Variants in GLIS1 observed in about 807,000 individuals in gnomAD.
GLIS1 encodes the protein zinc finger protein GLIS1.
A neutral mutation model predicts 63.8 loss-of-function variants in GLIS1; 24 were observed. That is an observed-to-expected ratio of 0.38 (90% confidence interval 0.27 to 0.53). The LOEUF is 0.53. GLIS1 is among the 20% of genes least tolerant of loss of function. GLIS1 has a pLI of 0.85. For synonymous variants in GLIS1, 450 were observed against 482.5 expected (o/e 0.93, Z 0.88); for missense variants, 1,036 against 1,074.1 (o/e 0.96, Z 0.50).
intron 2 of GLIS1, among the ~76,000 whole-genome samples, chr1:53,721,151 GA>G (rs145260712): frequency 1.7e-3 from 255 of 149,330 alleles, no homozygotes; most frequent in Admixed American, 3.5e-3. Flanking sequence ...TGACTGAAAG[GA>G]AAAAAAAAGA....
chr1:53,724,917 G>T (rs181649027), intron 2 of GLIS1, among the ~76,000 whole-genome samples: 1 of 152,142 alleles, frequency 6.6e-6, no homozygotes, highest in East Asian at 1.9e-4. Flanking sequence ...AAATGAGGAG[G>T]AGAAAGAGGA....
At chr1:53,680,993 T>C (rs1646269236) in intron 2 of GLIS1, among the ~76,000 whole-genome samples, 1 of 152,214 alleles carries the variant, frequency 6.6e-6, no homozygotes, top group Non-Finnish European at 1.5e-5. Flanking sequence ...CCAGATGATC[T>C]CAACCCTGGA....
intron 4 of GLIS1, among the ~76,000 whole-genome samples, chr1:53,543,675 G>A (rs1227784291): frequency 1.3e-5 from 2 of 152,038 alleles, no homozygotes; most frequent in African/African-American, 2.4e-5. Flanking sequence ...TGCAGTAAGC[G>A]CACTGGTCTC....
chr1:53,695,829 T>C (rs752985426), intron 2 of GLIS1, among the ~76,000 whole-genome samples: 42 of 152,234 alleles, frequency 2.8e-4, no homozygotes, highest in Admixed American at 1.0e-3. Flanking sequence ...CAACTACCTC[T>C]AGAAATGAAA....
rs76151640 is a variant in GLIS1 at position 53,708,010 on chromosome 1, C to T, written c.259+29796G>A. 3.1e-4 allele frequency among the ~76,000 whole-genome samples: 47 copies of T among 150,628 alleles called. 1 individual carries two copies. In the East Asian group the frequency reaches 7.8e-3, roughly 25 times the overall value. ...TGAAAGGAAAGCAAAGCACCAGGCGCGGTGGCTCACGCCTGTAATCCCAGC... is the reference window on the plus strand; with the variant it reads ...TGAAAGGAAAGCAAAGCACCAGGCGTGGTGGCTCACGCCTGTAATCCCAGC... On this transcript the variant is annotated intron_variant, in intron 2 of 10. Transcript: ENST00000628545.
chr1:53,658,839 C>T (rs112261200), intron 2 of GLIS1, among the ~76,000 whole-genome samples: 4 of 152,314 alleles, frequency 2.6e-5, no homozygotes, highest in African/African-American at 9.6e-5. Context: ...TGTCTCTCCC[C>T]CAATACAGGG....
chr1:53,625,650 C>A (rs769509403), intron 2 of GLIS1, among the ~76,000 whole-genome samples: 2 of 152,212 alleles, frequency 1.3e-5, no homozygotes, highest in Admixed American at 6.5e-5. Flanking sequence ...ATGGAGTGAG[C>A]TCCTATTGTG....
chr1:53,677,107 A>C (rs1195723348), intron 2 of GLIS1, among the ~76,000 whole-genome samples: 1 of 152,226 alleles, frequency 6.6e-6, no homozygotes, highest in Admixed American at 6.5e-5. Context: ...ACCCTTGAGG[A>C]TGACGCCGGC....
intron 6 of GLIS1, among the ~76,000 whole-genome samples, chr1:53,522,986 C>CTTTTTCTTTTTTTTTTTTTTTTT (rs760283252): frequency 9.2e-5 from 4 of 43,690 alleles, no homozygotes; most frequent in African/African-American, 1.8e-4. Context: ...TCTTTTCTTT[C>CTTTTTCTTTTTTTTTTTTTTTTT]TTTTTTTTTT....
rs568180557 is a variant in GLIS1, at chr1:53,729,365, G to A, written c.259+8441C>T. Among the ~76,000 whole-genome samples the A allele has an allele frequency of 5.9e-5, 9 of 152,232 alleles. No individual in the cohort carries two copies. In the South Asian group the frequency reaches 1.7e-3, roughly 28 times the overall value. Reference sequence around the variant, plus strand: ...GAGATATTCTCACAAAGAGCGCTCCGTAAGTACAAATGACTGTTTGATCAA... The same window carrying A: ...GAGATATTCTCACAAAGAGCGCTCCATAAGTACAAATGACTGTTTGATCAA... On this transcript the variant is annotated intron_variant, in intron 2 of 10. Coordinates refer to ENST00000628545, the MANE Select transcript of GLIS1 (RefSeq NM_001367484.1).
At chr1:53,731,646 C>T (rs1646862407) in intron 2 of GLIS1, among the ~76,000 whole-genome samples, 1 of 152,200 alleles carries the variant, frequency 6.6e-6, no homozygotes, top group South Asian at 2.1e-4. Context: ...GTCCCCCCAT[C>T]TTTAAAATTA....
chr1:53,669,978 A>G (rs2950243), intron 2 of GLIS1, among the ~76,000 whole-genome samples: 147,906 of 152,342 alleles, frequency 0.97, 71,947 homozygotes, highest in East Asian at 1. Context: ...ACAAGCAGTA[A>G]ATACTTAAAG....
intron 7 of GLIS1, among the ~76,000 whole-genome samples, chr1:53,518,872 G>C (rs1644378572): frequency 6.6e-6 from 1 of 152,264 alleles, no homozygotes; most frequent in African/African-American, 2.4e-5. Flanking sequence ...GCCGGCATCT[G>C]GGAGAACAGG....
chr1:53,691,751 C>T (rs1307450003), intron 2 of GLIS1, among the ~76,000 whole-genome samples: 1 of 152,162 alleles, frequency 6.6e-6, no homozygotes, highest in Non-Finnish European at 1.5e-5. Flanking sequence ...ACTGAATTTG[C>T]AGTTTCTCTA....
intron 2 of GLIS1, among the ~76,000 whole-genome samples, chr1:53,632,822 GA>G (rs1645675399): frequency 6.7e-6 from 1 of 148,994 alleles, no homozygotes; most frequent in Admixed American, 6.7e-5. Flanking sequence ...AGAGGTGTAT[GA>G]ATGAGTGTGA....
chr1:53,633,465 A>AGT (rs1232131234), intron 2 of GLIS1, among the ~76,000 whole-genome samples: 12 of 123,342 alleles, frequency 9.7e-5, no homozygotes, highest in African/African-American at 3.6e-4. Context: ...GGTGTGAATG[A>AGT]GTGGCTGAGG....
intron 2 of GLIS1, among the ~76,000 whole-genome samples, chr1:53,653,641 C>T (rs553775788): frequency 3.9e-5 from 6 of 152,334 alleles, no homozygotes; most frequent in South Asian, 2.1e-4. Context: ...TCTTCCTGAT[C>T]GCCATGTGAA....
At position 53,526,662 on chromosome 1, in the gene GLIS1, G is replaced by A. The variant is rs1464762010; in HGVS notation, c.1483-1775C>T. Reference sequence around the variant, plus strand: ...ACACACGGCCCTGCCCTGTCCCTGAGCCGGCCCCAGGACTGTCCCTTGGGG... The same window carrying A: ...ACACACGGCCCTGCCCTGTCCCTGAACCGGCCCCAGGACTGTCCCTTGGGG... On this transcript the variant is annotated intron_variant, in intron 5 of 10. Transcript: ENST00000628545. The surrounding 1 kb of genome is among the most constrained non-coding windows in gnomAD (Gnocchi z 4.4). 1.3e-5 allele frequency among the ~76,000 whole-genome samples: 2 copies of A among 152,342 alleles called. No homozygotes were observed. Among genetic ancestry groups the A allele is most frequent in the East Asian group, 3.9e-4 (2 of 5,180 alleles).
At chr1:53,668,797 C>T (rs79494679) in intron 2 of GLIS1, among the ~76,000 whole-genome samples, 1,937 of 152,196 alleles carry the variant, frequency 0.013, 52 homozygotes, top group African/African-American at 0.045. Context: ...TGCGTAAGTA[C>T]ACTCTGTGAT....
Sources: allele counts gnomAD v4.1 joint callset (sites outside exome capture counted in the v4.1 genomes callset), GRCh38; gene constraint gnomAD v4.1.1; non-coding constraint Gnocchi (gnomAD v3.1); transcripts MANE v1.5; gene names NCBI Gene and HGNC (gene_info 2026-07-23, HGNC 2026-07-21).